IRF1: variants seen among roughly 807,000 people sequenced by gnomAD.
IRF1 encodes interferon regulatory factor-1.
IRF1 carries 13 observed loss-of-function variants against 43.7 expected under a neutral mutation model. The observed-to-expected ratio is 0.30, with a 90% CI of 0.19 to 0.47. IRF1 has a LOEUF of 0.47. Among genes scored for constraint, IRF1 ranks in the 20% least tolerant of loss-of-function variants. The pLI, the probability that IRF1 is intolerant of heterozygous loss-of-function variation, is 0.99. For synonymous variants in IRF1, 138 were observed against 146.8 expected, an observed-to-expected ratio of 0.94 and a Z score of 0.43; for missense variants, 236 against 408.9, an observed-to-expected ratio of 0.58 and a Z score of 3.65.
intron 6 of IRF1, 72 bp downstream of exon 6, chr5:132,486,485 G>A (rs993997639): frequency 5.0e-6 from 8 of 1,611,904 alleles, no homozygotes; most frequent in Middle Eastern, 1.7e-4. Flanking sequence ...CCATGTGCCA[G>A]CACCATGCCT....
At chr5:132,487,357 G>A in intron 3 of IRF1, 1 of 560,282 alleles carries the variant, frequency 1.8e-6, no homozygotes. Flanking sequence ...TCAGTGAAGG[G>A]CCCAGCCAGA....
intron 3 of IRF1, 143 bp downstream of exon 3, chr5:132,487,783 G>A: frequency 1.6e-6 from 1 of 614,090 alleles, no homozygotes; most frequent in Non-Finnish European, 2.9e-6. Flanking sequence ...AGAAACACAA[G>A]TCTGCCACCA....
intron 3 of IRF1, chr5:132,487,361 A>T: frequency 1.8e-6 from 1 of 556,378 alleles, no homozygotes. Flanking sequence ...TGAAGGGCCC[A>T]GCCAGAAGCA....
In IRF1 at chr5:132,483,818, C is replaced by T; in HGVS notation, c.*133G>A. ...GAGGTCAATGACCCAAGGAGGGAGG[C>T]CCCATCCCCACTTGGCAGTGGGGTC... On this transcript the variant is annotated 3_prime_UTR_variant, in exon 10 of 10. Coordinates refer to ENST00000245414, the MANE Select transcript of IRF1 (RefSeq NM_002198.3). 2.6e-6 allele frequency: 3 copies of T among 1,143,810 alleles called. No individual in the cohort carries two copies. Among genetic ancestry groups the T allele is most frequent in the Non-Finnish European group, 3.7e-6 (3 of 805,578 alleles). The allele number at this position is 1,143,810 out of a possible 1,614,324, so 70.9% of individuals were successfully genotyped here. A position where few individuals can be genotyped will look rare whatever the true frequency, so the allele number is the denominator to read the frequency against.
At position 132,486,835 on chromosome 5, in the gene IRF1, G is replaced by A. The variant is rs1304739708; in HGVS notation, c.374C>T (p.Ser125Leu). ...GCTCTTAGCATCTCGGCTGGACTTC[G>A]ACTTTCTTTCTGTGGGGCAGACGGG... ...LTKNQRKERK[S>L]KSSRDAKSKA... Residue 125 changes from serine (S) to leucine (L), a missense_variant, in exon 5 of 10, where the codon TCG (serine) becomes TTG (leucine). Around this residue, in one of 2 missense-constraint regions of IRF1, gnomAD observed 170 missense variants for 251.8 expected, o/e 0.68. Transcript: ENST00000245414. 9.3e-6 allele frequency: 15 copies of A among 1,614,126 alleles called. No homozygotes were observed. Among genetic ancestry groups the A allele is most frequent in the Admixed American group, 1.7e-5 (1 of 60,012 alleles).
At chr5:132,484,598 C>A in intron 8 of IRF1, 101 bp from the exon 9 acceptor site, 1 of 1,461,222 alleles carries the variant, frequency 6.8e-7, no homozygotes, top group Admixed American at 1.8e-5. Context: ...AGTATCACAC[C>A]CTTGGCCATT....
intron 8 of IRF1, 197 bp from the exon 9 acceptor site, chr5:132,484,694 G>T (rs926590380): frequency 9.9e-6 from 6 of 604,852 alleles, no homozygotes; most frequent in Middle Eastern, 4.5e-4. Context: ...TGTTGGCACT[G>T]GTCCTCAATT....
At chr5:132,487,835 C>T in intron 3 of IRF1, 91 bp downstream of exon 3, 1 of 820,614 alleles carries the variant, frequency 1.2e-6, no homozygotes, top group East Asian at 2.6e-5. Flanking sequence ...TCAGGGAGCT[C>T]AGGGACCCCA....
In IRF1 at chr5:132,483,767, C is replaced by T; in HGVS notation, c.*184G>A. 1 of 663,852 alleles carries T rather than the reference C, an allele frequency of 1.5e-6. No individual in the cohort carries two copies. The highest frequency in any genetic ancestry group is 2.5e-6 in the Non-Finnish European group (1 of 401,564). The allele number at this position is 663,852 out of a possible 1,614,324, so 41.1% of individuals were successfully genotyped here. A position where few individuals can be genotyped will look rare whatever the true frequency, so the allele number is the denominator to read the frequency against. On this transcript the variant is annotated 3_prime_UTR_variant, in exon 10 of 10. Coordinates refer to ENST00000245414, the MANE Select transcript of IRF1 (RefSeq NM_002198.3). ...GCCAGCTTTACACCACAAGAAAAAC[C>T]CAGACACTGGCCTGCCAGGCCCTGA...
chr5:132,488,070 C>T (rs1754589149), intron 2 of IRF1, 45 bp from the exon 3 acceptor site: 2 of 1,461,896 alleles, frequency 1.4e-6, no homozygotes, highest in Middle Eastern at 1.7e-4. Flanking sequence ...AGGTCAGAGA[C>T]CACAGACTTT....
chr5:132,482,669 T>TG lies in IRF1; in HGVS notation c.*1281_*1282insC, dbSNP rs1754413123. Reference sequence around the variant, plus strand: ...ATGCCCGGCCAAATGAAAGGTTTTTTTTTTTTTTTTTTTTTTTGGTGCCCG... The same window carrying TG: ...ATGCCCGGCCAAATGAAAGGTTTTTTGTTTTTTTTTTTTTTTTTGGTGCCCG... On this transcript the variant is annotated 3_prime_UTR_variant, in exon 10 of 10. Coordinates refer to ENST00000245414, the MANE Select transcript of IRF1 (RefSeq NM_002198.3). The TG allele has an allele frequency of 6.8e-6, 1 of 146,344 alleles. No individual in the cohort carries two copies. Among genetic ancestry groups the TG allele is most frequent in the African/African-American group, 2.5e-5 (1 of 39,698 alleles). 9.1% of individuals were successfully genotyped at this position (146,344 alleles called of 1,614,324 possible). A position where few individuals can be genotyped will look rare whatever the true frequency, so the allele number is the denominator to read the frequency against.
Position 132,488,036 on chromosome 5 carries a change from C to A in IRF1, c.88-11G>T, listed in dbSNP as rs768572080. 2.5e-6 allele frequency: 4 copies of A among 1,586,708 alleles called. No homozygotes were observed. The highest frequency in any genetic ancestry group is 3.5e-6 in the Non-Finnish European group (4 of 1,156,340). ...GAAGATCATCTCCTCCTGAACAATA[C>A]ACACATACACATAAGGCTGTGTCAG... On this transcript the variant is annotated splice_polypyrimidine_tract_variant and intron_variant, in intron 2 of 9. Coordinates refer to ENST00000245414, the MANE Select transcript of IRF1 (RefSeq NM_002198.3).
chr5:132,486,674 A>G lies in IRF1; in HGVS notation c.427T>C (p.Ser143Pro), dbSNP rs1754537611. ...CCATCAGAGAAGGTATCAGGGCTGG[A>G]ATCCCCACATGACTGTCGAGGGAGA... ...SKAKRKSCGDSSPDTFSDGLS... is the reference protein window; with the variant it reads ...SKAKRKSCGDPSPDTFSDGLS... The change falls in exon 6 of 10, where the codon TCC (serine) becomes CCC (proline). Residue 143 changes from serine to proline, a missense_variant. Ser to Pro is a moderately conservative substitution (Grantham distance 74). Around this residue, in one of 2 missense-constraint regions of IRF1, gnomAD observed 170 missense variants for 251.8 expected, o/e 0.68. Coordinates refer to ENST00000245414, the MANE Select transcript of IRF1 (RefSeq NM_002198.3). 1.2e-6 allele frequency: 2 copies of G among 1,614,024 alleles called. No individual in the cohort carries two copies. The highest frequency in any genetic ancestry group is 1.7e-6 in the Non-Finnish European group (2 of 1,179,900).
Position 132,483,278 on chromosome 5 carries a change from A to C in IRF1, c.*673T>G, listed in dbSNP as rs1754434511. Reference sequence around the variant, plus strand: ...TGGGCGCCGAGCAAGGCACTGTATAAATAAATGCAAAGGCCAAGAGCTCGG... The same window carrying C: ...TGGGCGCCGAGCAAGGCACTGTATACATAAATGCAAAGGCCAAGAGCTCGG... On this transcript the variant is annotated 3_prime_UTR_variant, in exon 10 of 10. Transcript: ENST00000245414. The C allele has an allele frequency of 6.5e-6, 1 of 152,700 alleles. No individual in the cohort carries two copies. Among genetic ancestry groups the C allele is most frequent in the Admixed American group, 6.5e-5 (1 of 15,276 alleles). 9.5% of individuals were successfully genotyped at this position (152,700 alleles called of 1,614,324 possible). A position where few individuals can be genotyped will look rare whatever the true frequency, so the allele number is the denominator to read the frequency against.
At chr5:132,487,622 C>A (rs1174585343) in intron 3 of IRF1, 2 of 441,128 alleles carry the variant, frequency 4.5e-6, no homozygotes, top group Non-Finnish European at 8.3e-6. Context: ...AGACCTGGGT[C>A]TCTTTCAGTG....
At position 132,483,942 on chromosome 5, in the gene IRF1, G is replaced by T. The variant is rs916303215; in HGVS notation, c.*9C>A. ...TGCCTAGAGGAATAAGAGGGGCCCA[G>T]GGGCCCTGCTACGGTGCACAGGGAA... On this transcript the variant is annotated 3_prime_UTR_variant, in exon 10 of 10. Transcript: ENST00000245414. The T allele has an allele frequency of 1.9e-6, 3 of 1,612,488 alleles. No individual in the cohort carries two copies. Among genetic ancestry groups the T allele is most frequent in the Non-Finnish European group, 2.5e-6 (3 of 1,179,792 alleles).
chr5:132,485,400 C>T (rs1580937895), intron 8 of IRF1: 1 of 503,956 alleles, frequency 2.0e-6, no homozygotes, highest in Non-Finnish European at 3.7e-6. Flanking sequence ...AGGGACCCAT[C>T]GCTGATAGTG....
chr5:132,484,815 A>G (rs1232582549), intron 8 of IRF1: 3 of 247,510 alleles, frequency 1.2e-5, no homozygotes, highest in Non-Finnish European at 2.3e-5. Context: ...AAAGGTTAGC[A>G]TAATAAATCA....
At chr5:132,486,066 G>T in intron 7 of IRF1, 185 bp downstream of exon 7, 1 of 770,110 alleles carries the variant, frequency 1.3e-6, no homozygotes. Context: ...CTGTACTGCA[G>T]CCCACTCTGA....
Sources: gnomAD v4.1 joint callset for allele counts on GRCh38, gnomAD v4.1.1 for gene constraint, gnomAD v4.1.1 regional missense constraint, MANE v1.5 for transcripts, NCBI Gene and HGNC (gene_info 2026-07-23, HGNC 2026-07-21) for gene names.